ABL2: variants seen among roughly 807,000 people sequenced by gnomAD.
The protein encoded by ABL2 is ABL proto-oncogene 2, non-receptor tyrosine kinase, also known as tyrosine-protein kinase ABL2.
A neutral mutation model predicts 107.7 loss-of-function variants in ABL2; 49 were observed. The ratio of observed to expected loss-of-function variants is 0.45; its 90% CI spans 0.36 to 0.58. The LOEUF (loss-of-function observed/expected upper bound fraction) is 0.58. Ranked by LOEUF, ABL2 falls within the 20% of genes least tolerant of loss-of-function variation. ABL2 has a pLI of 0.00. For synonymous variants in ABL2, 549 were observed against 548.6 expected (o/e 1.00, Z -0.01); for missense variants, 1,245 against 1,457.0 (o/e 0.85, Z 2.37).
At chr1:179,208,469 A>G (rs905856660) in intron 1 of ABL2, among the ~76,000 whole-genome samples, 5 of 152,234 alleles carry the variant, frequency 3.3e-5, no homozygotes, top group Non-Finnish European at 7.3e-5. Flanking sequence ...ATGTTGCTGC[A>G]AAGGACATGA....
intron 1 of ABL2, among the ~76,000 whole-genome samples, chr1:179,226,628 A>G (rs1453182230): frequency 6.6e-6 from 1 of 152,096 alleles, no homozygotes; most frequent in East Asian, 1.9e-4. Context: ...GTTTTTAATA[A>G]TAACAGTAGT....
chr1:179,216,828 C>T (rs144865718), intron 1 of ABL2, among the ~76,000 whole-genome samples: 2,660 of 151,826 alleles, frequency 0.018, 33 homozygotes, highest in Non-Finnish European at 0.026. Flanking sequence ...CAACTACAGG[C>T]GCACGCCACC....
chr1:179,171,736 C>T (rs1362671203), intron 1 of ABL2, among the ~76,000 whole-genome samples: 1 of 152,186 alleles, frequency 6.6e-6, no homozygotes, highest in African/African-American at 2.4e-5. Context: ...GTTGTCCAAA[C>T]CCTTTGCCTC....
intron 1 of ABL2, among the ~76,000 whole-genome samples, chr1:179,223,205 G>A (rs2124867369): frequency 6.6e-6 from 1 of 151,272 alleles, no homozygotes; most frequent in Non-Finnish European, 1.5e-5. Context: ...CTTGAGCCTA[G>A]GAATTTAAGA....
chr1:179,192,989 T>G (rs1474117354), intron 1 of ABL2, among the ~76,000 whole-genome samples: 1 of 152,202 alleles, frequency 6.6e-6, no homozygotes, highest in Admixed American at 6.5e-5. Flanking sequence ...ACAGAATGAA[T>G]TATCTTCTGC....
At chr1:179,111,275 C>T (rs563251679) in intron 10 of ABL2, among the ~76,000 whole-genome samples, 1 of 137,478 alleles carries the variant, frequency 7.3e-6, no homozygotes, top group East Asian at 2.2e-4. Flanking sequence ...AACCACAGTG[C>T]TCAGTCTTTT....
In ABL2 at chr1:179,126,685, T is replaced by A; in HGVS notation, c.392-13A>T. 1 of 1,601,812 alleles carries A rather than the reference T, an allele frequency of 6.2e-7. No homozygotes were observed. On this transcript the variant is annotated splice_polypyrimidine_tract_variant and intron_variant, in intron 3 of 11. Coordinates refer to ENST00000502732, the MANE Select transcript of ABL2 (RefSeq NM_007314.4). The surrounding 1 kb of genome is among the most constrained non-coding windows in gnomAD (Gnocchi z 4.4). ...CGTAGCTTTTCACCTAGCCATAAGGTCATCACAGGATGAAAGAAACGATGT... is the reference window on the plus strand; with the variant it reads ...CGTAGCTTTTCACCTAGCCATAAGGACATCACAGGATGAAAGAAACGATGT...
chr1:179,190,581 C>G lies in ABL2; in HGVS notation c.157+38660G>C, dbSNP rs181504668. Among the ~76,000 whole-genome samples, 644 of 152,114 alleles carry G rather than the reference C, an allele frequency of 4.2e-3. 1 individual carries two copies. The highest frequency in any genetic ancestry group is 6.3e-3 in the Non-Finnish European group (426 of 67,996). On this transcript the variant is annotated intron_variant, in intron 1 of 11. Coordinates refer to ENST00000502732, the MANE Select transcript of ABL2 (RefSeq NM_007314.4). The stretch of plus-strand genomic sequence containing the variant: ...TGACGTTAACTTTCAGCCTCTCCCC[C>G]CTCCACAGAGACGTGGGGGGTGGGG...
At chr1:179,151,832 A>G (rs1019103511) in intron 1 of ABL2, among the ~76,000 whole-genome samples, 2 of 152,170 alleles carry the variant, frequency 1.3e-5, no homozygotes, top group Non-Finnish European at 2.9e-5. Flanking sequence ...AGGATCACAA[A>G]CCATTGTAAC....
intron 1 of ABL2, among the ~76,000 whole-genome samples, chr1:179,169,963 G>A (rs1159869491): frequency 6.6e-6 from 1 of 151,932 alleles, no homozygotes. Flanking sequence ...GGATTTTAAG[G>A]CTGCAGTGAG....
intron 1 of ABL2, among the ~76,000 whole-genome samples, chr1:179,162,240 A>G (rs1010702811): frequency 1.3e-5 from 2 of 152,226 alleles, no homozygotes; most frequent in Non-Finnish European, 2.9e-5. Flanking sequence ...AAGTCCAACA[A>G]TAAAGAAATG....
chr1:179,196,660 T>TGAGGCAGGAGAATCGCTTG (rs1488634593), intron 1 of ABL2: 3 of 152,088 alleles, frequency 2.0e-5, no homozygotes, highest in Non-Finnish European at 4.4e-5. Flanking sequence ...CTCGGGAGGC[T>TGAGGCAGGAGAATCGCTTG]GAGGCAGGAG....
intron 1 of ABL2, among the ~76,000 whole-genome samples, chr1:179,148,036 TTTC>T (rs1658121055): frequency 1.6e-5 from 2 of 124,406 alleles, no homozygotes; most frequent in African/African-American, 5.8e-5. Context: ...CCACTTTTCT[TTTC>T]TTTTTTTTTT....
chr1:179,142,313 A>T (rs1339006647), intron 1 of ABL2, among the ~76,000 whole-genome samples: 2 of 152,234 alleles, frequency 1.3e-5, no homozygotes, highest in African/African-American at 4.8e-5. Context: ...GTTGCAGGCT[A>T]CAACAAAAAT....
At chr1:179,225,412 T>C (rs1341010023) in intron 1 of ABL2, among the ~76,000 whole-genome samples, 1 of 152,176 alleles carries the variant, frequency 6.6e-6, no homozygotes, top group East Asian at 1.9e-4. Flanking sequence ...CTCAAGACAG[T>C]AATTTGTACA....
chr1:179,175,004 G>C (rs993831028), intron 1 of ABL2, among the ~76,000 whole-genome samples: 15 of 151,056 alleles, frequency 9.9e-5, no homozygotes, highest in East Asian at 3.9e-4. Context: ...CTTATCCCCT[G>C]ATCTTTTAGT....
At chr1:179,201,863 C>A in intron 1 of ABL2, 1 of 1,337,088 alleles carries the variant, frequency 7.5e-7, no homozygotes, top group East Asian at 3.0e-5. Flanking sequence ...CTCTTTGAGA[C>A]ATCAAGACCC....
At chr1:179,217,413 G>T (rs559057210) in intron 1 of ABL2, among the ~76,000 whole-genome samples, 2 of 151,788 alleles carry the variant, frequency 1.3e-5, no homozygotes, top group African/African-American at 2.4e-5. Flanking sequence ...GTCACCTGAG[G>T]TCAGGAGTTC....
intron 1 of ABL2, among the ~76,000 whole-genome samples, chr1:179,196,809 T>A (rs1333773910): frequency 1.3e-5 from 2 of 150,736 alleles, no homozygotes; most frequent in African/African-American, 4.9e-5. Flanking sequence ...CCCACTGACC[T>A]GTACATTTTC....
Sources: allele counts gnomAD v4.1 joint callset (sites outside exome capture counted in the v4.1 genomes callset), GRCh38; gene constraint gnomAD v4.1.1; non-coding constraint Gnocchi (gnomAD v3.1); transcripts MANE v1.5; gene names NCBI Gene and HGNC (gene_info 2026-07-23, HGNC 2026-07-21).